Variants in A1CF observed in about 807,000 individuals in gnomAD.
A1CF encodes APOBEC1 complementation factor.
Under a neutral mutation model 68.9 loss-of-function variants are expected in A1CF, and 48 were observed. The ratio of observed to expected loss-of-function variants is 0.70; its 90% CI spans 0.55 to 0.89. The LOEUF is 0.89. A1CF is among the 40% of genes least tolerant of loss of function. The probability of loss-of-function intolerance (pLI) is 0.00; values close to 1 mark genes in which losing one functional copy is unlikely to be tolerated. For missense variants in A1CF, 653 were observed against 718.9 expected, an observed-to-expected ratio of 0.91 and a Z score of 1.05; for synonymous variants, 272 against 260.4, an observed-to-expected ratio of 1.04 and a Z score of -0.43.
Position 50,806,843 on chromosome 10 carries a change from T to G in A1CF, c.1647A>C (p.Ala549=), listed in dbSNP as rs11812196. The G allele has an allele frequency of 1.6e-3, 2,657 of 1,613,468 alleles. 42 individuals are homozygous for G. In the African/African-American group the frequency reaches 0.032, roughly 19 times the overall value. Reference sequence around the variant, plus strand: ...GGGTTACCGCTTGCTTGAGCTGGGCTGCAGACACGGGTGCAGTTGCATTAG... The same window carrying G: ...GGGTTACCGCTTGCTTGAGCTGGGCGGCAGACACGGGTGCAGTTGCATTAG... The part of the protein sequence containing the change: ...AVPNATAPVS[A]AQLKQAVTLG... The change falls in exon 13 of 13, where the codon GCA becomes GCC. Residue 549 remains alanine (A), a synonymous_variant. Transcript: ENST00000373997.
intron 3 of A1CF, among the ~76,000 whole-genome samples, chr10:50,849,978 T>G (rs1840165711): frequency 6.6e-6 from 1 of 152,080 alleles, no homozygotes; most frequent in South Asian, 2.1e-4. Flanking sequence ...TACTTTTTAG[T>G]AGAGACGGAG....
chr10:50,828,712 A>G (rs1245665894), intron 6 of A1CF, among the ~76,000 whole-genome samples: 3 of 152,134 alleles, frequency 2.0e-5, no homozygotes, highest in Non-Finnish European at 4.4e-5. Flanking sequence ...TACTAGGAAG[A>G]GCATTTACTG....
At chr10:50,824,420 A>G (rs1297020657) in intron 7 of A1CF, 1 of 152,166 alleles carries the variant, frequency 6.6e-6, no homozygotes, top group African/African-American at 2.4e-5. Context: ...CTGGGAAGGT[A>G]GAAAGTCAAC....
intron 3 of A1CF, among the ~76,000 whole-genome samples, chr10:50,853,813 G>A (rs1589023528): frequency 7.2e-6 from 1 of 138,296 alleles, no homozygotes; most frequent in Admixed American, 7.2e-5. Flanking sequence ...TAAAAAAAAT[G>A]CTTAAAATGT....
chr10:50,836,360 C>G (rs1839494424), intron 5 of A1CF, 48 bp from the exon 6 acceptor site: 1 of 1,574,266 alleles, frequency 6.4e-7, no homozygotes. Context: ...TTGTAGGATT[C>G]AGGTTGAAAA....
At chr10:50,850,603 T>C (rs1342924018) in intron 3 of A1CF, 1 of 1,583,370 alleles carries the variant, frequency 6.3e-7, no homozygotes, top group Non-Finnish European at 8.7e-7. Context: ...TGTGTGTGTG[T>C]GTGTGTTTCT....
At chr10:50,881,250 T>C (rs1290572719) in intron 1 of A1CF, among the ~76,000 whole-genome samples, 2 of 152,072 alleles carry the variant, frequency 1.3e-5, no homozygotes, top group Admixed American at 1.3e-4. Context: ...TGGCCTCCCA[T>C]AGTGTTCGAA....
chr10:50,865,268 C>CCTA (rs1840932270), intron 1 of A1CF, among the ~76,000 whole-genome samples: 5 of 150,612 alleles, frequency 3.3e-5, no homozygotes, highest in African/African-American at 9.8e-5. Flanking sequence ...CAAAGGTACT[C>CCTA]CTACTACTAC....
intron 4 of A1CF, among the ~76,000 whole-genome samples, 197 bp downstream of exon 4, chr10:50,843,791 G>A (rs865975016): frequency 1.3e-5 from 2 of 152,152 alleles, no homozygotes; most frequent in African/African-American, 4.8e-5. Context: ...AATTCAAGCT[G>A]TCAGTAACAG....
intron 6 of A1CF, 125 bp from the exon 7 acceptor site, chr10:50,828,420 A>G (rs1839075236): frequency 1.5e-6 from 1 of 663,104 alleles, no homozygotes; most frequent in South Asian, 3.7e-5. Context: ...GAAGACCATT[A>G]AAACTGGTGA....
rs1291776086 is a variant in A1CF at position 50,828,186 on chromosome 10, A to T, written c.714T>A (p.Leu238=). 6.2e-7 allele frequency: 1 copy of T among 1,609,136 alleles called. No homozygotes were observed. Among genetic ancestry groups the T allele is most frequent in the Admixed American group, 1.7e-5 (1 of 59,850 alleles). Residue 238 remains leucine (L), a synonymous_variant, in exon 7 of 13, where the codon CTT becomes CTA. Transcript: ENST00000373997. ...SSVKILYVRN[L]MLSTSEEMIE... is the part of the protein sequence containing the mutation. The stretch of plus-strand genomic sequence containing the variant: ...TCATCTCTTCAGAGGTAGACAGCAT[A>T]AGATTTCTTACATATAGGATTTTCA...
intron 3 of A1CF, among the ~76,000 whole-genome samples, chr10:50,847,348 C>T (rs1188978824): frequency 1.3e-5 from 2 of 152,128 alleles, no homozygotes; most frequent in Non-Finnish European, 1.5e-5. Flanking sequence ...ACTATAAATC[C>T]AGTGGCTTTA....
chr10:50,878,348 T>A (rs1316782946), intron 1 of A1CF, among the ~76,000 whole-genome samples: 3 of 152,246 alleles, frequency 2.0e-5, no homozygotes, highest in Admixed American at 1.3e-4. Context: ...TATAGCTAAA[T>A]GGCTAAAGTT....
At chr10:50,883,078 G>C in intron 1 of A1CF, among the ~76,000 whole-genome samples, 1 of 152,144 alleles carries the variant, frequency 6.6e-6, no homozygotes, top group Non-Finnish European at 1.5e-5. Flanking sequence ...AAATGGAATA[G>C]TGCTACTATT....
chr10:50,879,044 G>A (rs2132621631), intron 1 of A1CF, among the ~76,000 whole-genome samples: 1 of 152,280 alleles, frequency 6.6e-6, no homozygotes, highest in South Asian at 2.1e-4. Context: ...TGCCAGGCTA[G>A]TCTGTTAAGC....
At chr10:50,808,380 C>A (rs1377193097) in intron 12 of A1CF, among the ~76,000 whole-genome samples, 1 of 152,206 alleles carries the variant, frequency 6.6e-6, no homozygotes, top group Non-Finnish European at 1.5e-5. Flanking sequence ...TGGGTAAAAG[C>A]AAATCCTTTC....
chr10:50,827,897 T>A (rs1457971457), intron 7 of A1CF, among the ~76,000 whole-genome samples: 1 of 151,730 alleles, frequency 6.6e-6, no homozygotes, highest in Non-Finnish European at 1.5e-5. Flanking sequence ...CTAGCAAGAC[T>A]AATAAAGAAG....
intron 12 of A1CF, among the ~76,000 whole-genome samples, chr10:50,809,018 A>T (rs1366489089): frequency 2.0e-5 from 3 of 152,158 alleles, no homozygotes; most frequent in African/African-American, 7.2e-5. Flanking sequence ...TTACTAAAAA[A>T]AAAAAGGATA....
At position 50,816,098 on chromosome 10, in the gene A1CF, G is replaced by A; in HGVS notation, c.1049C>T (p.Pro350Leu). 1 of 1,613,802 alleles carries A rather than the reference G, an allele frequency of 6.2e-7. No individual in the cohort carries two copies. Among genetic ancestry groups the A allele is most frequent in the Non-Finnish European group, 8.5e-7 (1 of 1,179,864 alleles). Residue 350 changes from proline (P) to leucine (L), a missense_variant, in exon 9 of 13, where the codon CCC becomes CTC. Physicochemically the swap from Pro to Leu is moderately conservative, Grantham distance 98. Coordinates refer to ENST00000373997, the MANE Select transcript of A1CF (RefSeq NM_014576.4). ...TYLGAPVFYA[P>L]QTYAAIPSLH... is the part of the protein sequence containing the mutation. ...ACTGGGAATTGCTGCATAGGTCTGG[G>A]GGGCATAGAAGACAGGAGCTCCAAG...
Sources: allele counts gnomAD v4.1 joint callset (sites outside exome capture counted in the v4.1 genomes callset), GRCh38; gene constraint gnomAD v4.1.1; transcripts MANE v1.5; gene names NCBI Gene and HGNC (gene_info 2026-07-23, HGNC 2026-07-21).